The following SDK2 variants were observed in gnomAD, a reference collection of about 807,000 sequenced individuals.
The protein encoded by SDK2 is protein sidekick-2.
A neutral mutation model predicts 253.9 loss-of-function variants in SDK2; 105 were observed. The ratio of observed to expected loss-of-function variants is 0.41; its 90% CI spans 0.35 to 0.49. SDK2 has a LOEUF of 0.49. SDK2 is among the 20% of genes least tolerant of loss of function. The pLI, the probability that SDK2 is intolerant of heterozygous loss-of-function variation, is 0.06. For synonymous variants in SDK2, 1,249 were observed against 1,234.9 expected (o/e 1.01, Z -0.24); for missense variants, 2,608 against 3,003.0 (o/e 0.87, Z 3.07).
chr17:73,593,354 C>G (rs1314666082), intron 1 of SDK2, among the ~76,000 whole-genome samples: 2 of 152,178 alleles, frequency 1.3e-5, no homozygotes, highest in African/African-American at 2.4e-5. Context: ...AGCCTCAGCA[C>G]CCACTCCCTA....
intron 18 of SDK2, among the ~76,000 whole-genome samples, chr17:73,412,044 AT>A (rs2063136410): frequency 1.5e-4 from 1 of 6,524 alleles, no homozygotes; most frequent in African/African-American, 2.7e-4. Context: ...ACGTATATAT[AT>A]GTATATACGT....
At chr17:73,476,048 G>T (rs759189643) in intron 2 of SDK2, among the ~76,000 whole-genome samples, 2 of 152,194 alleles carry the variant, frequency 1.3e-5, no homozygotes, top group Non-Finnish European at 2.9e-5. Context: ...GGAGGTGGAG[G>T]TTGCAGTGAG....
rs1042048387 is a variant in SDK2 at position 73,612,373 on chromosome 17, T to G, written c.64+31652A>C. ...TGGGCTGCAGGCTGGCCCCGCACAGTCCCCACCCTCACCGGGTCCCTGTGG... is the reference window on the plus strand; with the variant it reads ...TGGGCTGCAGGCTGGCCCCGCACAGGCCCCACCCTCACCGGGTCCCTGTGG... On this transcript the variant is annotated intron_variant, in intron 1 of 44. Transcript: ENST00000392650. This position sits in a 1 kb window ranked among gnomAD's most constrained non-coding sequence, Gnocchi z 4.4. Among the ~76,000 whole-genome samples the G allele has an allele frequency of 1.3e-5, 2 of 148,162 alleles. No individual in the cohort carries two copies. Among genetic ancestry groups the G allele is most frequent in the Non-Finnish European group, 3.0e-5 (2 of 66,862 alleles).
intron 44 of SDK2, among the ~76,000 whole-genome samples, chr17:73,347,231 A>G (rs184838697): frequency 2.6e-5 from 4 of 152,184 alleles, no homozygotes; most frequent in African/African-American, 9.7e-5. Context: ...GTGGTGGCAC[A>G]TGCCTGTAAT....
rs2045985769 is a variant in SDK2, at chr17:73,612,324, G to A, written c.64+31701C>T. 6.6e-6 allele frequency among the ~76,000 whole-genome samples: 1 copy of A among 151,122 alleles called. No individual in the cohort carries two copies. ...CCCCGCATGGTCCCCTACCCTCATC[G>A]GGTCACTGTGACCCAGCTGCACCTG... is the stretch of plus-strand genomic sequence containing the variant. On this transcript the variant is annotated intron_variant, in intron 1 of 44. Transcript: ENST00000392650. This position sits in a 1 kb window ranked among gnomAD's most constrained non-coding sequence, Gnocchi z 4.4.
intron 1 of SDK2, among the ~76,000 whole-genome samples, chr17:73,597,778 T>C (rs2045780534): frequency 6.6e-6 from 1 of 151,966 alleles, no homozygotes; most frequent in Non-Finnish European, 1.5e-5. Context: ...CCCAAGTAGC[T>C]GAGACTACAG....
At chr17:73,411,954 GTA>G (rs546035555) in intron 18 of SDK2, among the ~76,000 whole-genome samples, 3 of 107,280 alleles carry the variant, frequency 2.8e-5, no homozygotes, top group South Asian at 6.1e-4. Context: ...GTGTGTTTGT[GTA>G]TATATATATA....
chr17:73,438,247 G>C (rs1004417108), intron 6 of SDK2, 93 bp from the exon 7 acceptor site: 12 of 1,238,728 alleles, frequency 9.7e-6, no homozygotes, highest in Middle Eastern at 2.0e-4. Context: ...GTGGGCTTGG[G>C]AGCCGGGCTG....
At chr17:73,411,366 G>T (rs1224853570) in intron 18 of SDK2, among the ~76,000 whole-genome samples, 1 of 152,220 alleles carries the variant, frequency 6.6e-6, no homozygotes, top group African/African-American at 2.4e-5. Context: ...ATTAATCTTA[G>T]TTGTGGCAAG....
rs913956103 is a variant in SDK2, at chr17:73,455,465, C to T, written c.479+441G>A. Among the ~76,000 whole-genome samples, 5 of 152,068 alleles carry T rather than the reference C, an allele frequency of 3.3e-5. No homozygotes were observed. Among genetic ancestry groups the T allele is most frequent in the Admixed American group, 2.6e-4 (4 of 15,268 alleles). On this transcript the variant is annotated intron_variant, in intron 4 of 44. Coordinates refer to ENST00000392650, the MANE Select transcript of SDK2 (RefSeq NM_001144952.2). This position sits in a 1 kb window ranked among gnomAD's most constrained non-coding sequence, Gnocchi z 5.0. Reference sequence around the variant, plus strand: ...CGCCGCACAGCCAAGACACACACAGCCCTCACACACCAGTAAACACCCTGC... The same window carrying T: ...CGCCGCACAGCCAAGACACACACAGTCCTCACACACCAGTAAACACCCTGC...
chr17:73,568,846 G>A (rs555149913), intron 1 of SDK2, among the ~76,000 whole-genome samples: 5 of 152,242 alleles, frequency 3.3e-5, no homozygotes, highest in Non-Finnish European at 7.4e-5. Flanking sequence ...TCTTCAAACC[G>A]CTGGACAGCA....
rs80098364 is a variant in SDK2, at chr17:73,426,562, C to T, written c.1584-2470G>A. On this transcript the variant is annotated intron_variant, in intron 12 of 44. Transcript: ENST00000392650. ...CTAATATTATAGTTAAAGCTGTGGTCCTTATGGCAAAATGTTTACAACCAT... is the reference window on the plus strand; with the variant it reads ...CTAATATTATAGTTAAAGCTGTGGTTCTTATGGCAAAATGTTTACAACCAT... Among the ~76,000 whole-genome samples, 379 of 152,158 alleles carry T rather than the reference C, an allele frequency of 2.5e-3. 14 individuals carry two copies. In the East Asian group the frequency reaches 0.067, roughly 27 times the overall value.
chr17:73,500,758 C>T (rs12943929), intron 2 of SDK2, among the ~76,000 whole-genome samples: 102,512 of 144,668 alleles, frequency 0.71, 36,442 homozygotes, highest in East Asian at 0.75. Context: ...CATCCTCCAT[C>T]CATCCTTCCT....
chr17:73,419,612 G>A (rs1230786577), intron 15 of SDK2, among the ~76,000 whole-genome samples: 1 of 151,506 alleles, frequency 6.6e-6, no homozygotes, highest in African/African-American at 2.4e-5. Context: ...GCTCATGCCT[G>A]TAATCCCAGC....
intron 1 of SDK2, chr17:73,519,802 A>C (rs2064061556): frequency 6.6e-6 from 1 of 152,126 alleles, no homozygotes; most frequent in Non-Finnish European, 1.5e-5. Context: ...CGCAGGGAGG[A>C]AAAAACAAAG....
intron 32 of SDK2, 49 bp downstream of exon 32, chr17:73,385,798 C>T (rs368050484): frequency 2.0e-5 from 30 of 1,517,826 alleles, no homozygotes; most frequent in Non-Finnish European, 2.6e-5. Flanking sequence ...AGTCCCAGAG[C>T]AGAGCTCGTC....
intron 1 of SDK2, among the ~76,000 whole-genome samples, chr17:73,603,741 T>A (rs1402046798): frequency 6.6e-6 from 1 of 152,180 alleles, no homozygotes; most frequent in Non-Finnish European, 1.5e-5. Flanking sequence ...CTTAGAGAGG[T>A]TAAGAAAGTT....
At chr17:73,608,939 C>A (rs2143110317) in intron 1 of SDK2, among the ~76,000 whole-genome samples, 1 of 152,298 alleles carries the variant, frequency 6.6e-6, no homozygotes, top group East Asian at 1.9e-4. Context: ...TGATGAGAAG[C>A]AACTGAACTC....
intron 44 of SDK2, among the ~76,000 whole-genome samples, chr17:73,340,254 C>T (rs1467531608): frequency 6.6e-6 from 1 of 152,184 alleles, no homozygotes; most frequent in Non-Finnish European, 1.5e-5. Flanking sequence ...TTAGGACCGT[C>T]GCAGTGTTGT....
Sources: allele counts gnomAD v4.1 joint callset (sites outside exome capture counted in the v4.1 genomes callset), GRCh38; gene constraint gnomAD v4.1.1; non-coding constraint Gnocchi (gnomAD v3.1); transcripts MANE v1.5; gene names NCBI Gene and HGNC (gene_info 2026-07-23, HGNC 2026-07-21).